The following HIRA variants were observed in gnomAD, a reference collection of about 807,000 sequenced individuals.
The protein encoded by HIRA is histone cell cycle regulator.
In HIRA, 13 loss-of-function variants were observed where a neutral mutation model predicts 126.6. That is an observed-to-expected ratio of 0.10 (90% CI 0.07 to 0.16). The LOEUF is 0.16. Among genes scored for constraint, HIRA ranks in the 10% least tolerant of loss-of-function variants. HIRA has a pLI of 1.00. For missense variants in HIRA, 834 were observed against 1,314.4 expected (o/e 0.63, Z 5.65); for synonymous variants, 511 against 520.0 (o/e 0.98, Z 0.24).
At chr22:19,405,612 G>A (rs1013688985) in intron 5 of HIRA, 174 bp downstream of exon 5, 8 of 673,574 alleles carry the variant, frequency 1.2e-5, no homozygotes, top group South Asian at 6.7e-5. Flanking sequence ...TAGTGGACCC[G>A]GTGACTGCAC....
chr22:19,407,045 T>C, intron 4 of HIRA, 139 bp downstream of exon 4: 1 of 668,174 alleles, frequency 1.5e-6, no homozygotes, highest in Non-Finnish European at 2.6e-6. Flanking sequence ...CACCTGCTCC[T>C]GACCTACATG....
At position 19,385,754 on chromosome 22, in the gene HIRA, G is replaced by A. The variant is rs1424417995; in HGVS notation, c.1114-18C>T. 6 of 1,606,420 alleles carry A rather than the reference G, an allele frequency of 3.7e-6. No homozygotes were observed. In the Admixed American group the frequency reaches 1.0e-4, roughly 27 times the overall value. ...ATGCGGCTCTGGGGAAGCAAGGAGA[G>A]GCATGACATGCCAGCATGAGTGCCA... On this transcript the variant is annotated intron_variant, in intron 11 of 24. Transcript: ENST00000263208.
At position 19,331,622 on chromosome 22, in the gene HIRA, C is replaced by T. The variant is rs1490174173; in HGVS notation, c.2938-66G>A. 6 of 1,453,404 alleles carry T rather than the reference C, an allele frequency of 4.1e-6. No homozygotes were observed. In the East Asian group the frequency reaches 1.4e-4, roughly 33 times the overall value. 90.0% of individuals were successfully genotyped at this position (1,453,404 alleles called of 1,614,324 possible). On this transcript the variant is annotated intron_variant, in intron 24 of 24. Transcript: ENST00000263208. The stretch of plus-strand genomic sequence containing the variant: ...AGAGACCTAGATTGTGGGGACTTTC[C>T]TGGCCTGGCAGAGAACCTTGTGTCT...
rs1556012703 is a variant in HIRA at position 19,356,887 on chromosome 22, C to T, written c.2396+3G>A. 4 of 1,613,636 alleles carry T rather than the reference C, an allele frequency of 2.5e-6. No homozygotes were observed. On this transcript the variant is annotated splice_donor_region_variant and intron_variant, in intron 19 of 24. Transcript: ENST00000263208. ...CCCACCCCACCCTGTGCCTGCCTCT[C>T]ACCAGACAGAGAGTGTGGCTGCAGC...
chr22:19,392,149 C>A lies in HIRA; in HGVS notation c.888G>T (p.Pro296=). 1 of 1,608,388 alleles carries A rather than the reference C, an allele frequency of 6.2e-7. No homozygotes were observed. The highest frequency in any genetic ancestry group is 1.1e-5 in the South Asian group (1 of 90,776). The change falls in exon 9 of 25, where the codon CCG becomes CCT. Residue 296 remains proline, a synonymous_variant. Transcript: ENST00000263208. ...KNGSSAKPSC[P]YCCCAVGSKD... ...TGCTGCCAACAGCACAGCAGCAGTACGGGCAGCTAGGCTTCGCAGAACTCC... is the reference window on the plus strand; with the variant it reads ...TGCTGCCAACAGCACAGCAGCAGTAAGGGCAGCTAGGCTTCGCAGAACTCC...
At chr22:19,333,240 C>T (rs1033940768) in intron 24 of HIRA, among the ~76,000 whole-genome samples, 34 of 151,818 alleles carry the variant, frequency 2.2e-4, no homozygotes, top group African/African-American at 4.8e-5. Flanking sequence ...AATGGACAAA[C>T]GTCTGGCAGG....
At chr22:19,372,175 T>C (rs1012427172) in intron 15 of HIRA, among the ~76,000 whole-genome samples, 5 of 152,226 alleles carry the variant, frequency 3.3e-5, no homozygotes, top group African/African-American at 1.2e-4. Flanking sequence ...TTCATGTCCT[T>C]CAAGACTTAA....
intron 8 of HIRA, among the ~76,000 whole-genome samples, chr22:19,393,281 A>G (rs1219009351): frequency 4.6e-5 from 7 of 152,228 alleles, no homozygotes; most frequent in African/African-American, 1.7e-4. Context: ...GAACTCCAAA[A>G]CAAAAAAATT....
intron 21 of HIRA, 44 bp from the exon 22 acceptor site, chr22:19,354,162 AT>A: frequency 1.3e-6 from 2 of 1,592,954 alleles, no homozygotes; most frequent in Non-Finnish European, 1.7e-6. Flanking sequence ...AAACCAAGAG[AT>A]CTGGTTGGCC....
intron 9 of HIRA, among the ~76,000 whole-genome samples, 175 bp from the exon 10 acceptor site, chr22:19,388,729 C>T (rs1245113842): frequency 2.0e-5 from 3 of 152,224 alleles, no homozygotes; most frequent in Non-Finnish European, 4.4e-5. Flanking sequence ...GAACCAAAGC[C>T]TGCCAAAAAT....
intron 23 of HIRA, among the ~76,000 whole-genome samples, chr22:19,352,151 A>AGAATGGAGGGTGGGTAACTGGTGTAT (rs1448183237): frequency 2.6e-5 from 4 of 152,120 alleles, no homozygotes; most frequent in African/African-American, 9.6e-5. Context: ...AACAAGGGAC[A>AGAATGGAGGGTGGGTAACTGGTGTAT]GAATGGAGGG....
chr22:19,342,133 T>C (rs915804704), intron 24 of HIRA, among the ~76,000 whole-genome samples: 54 of 151,790 alleles, frequency 3.6e-4, no homozygotes, highest in African/African-American at 1.3e-3. Flanking sequence ...CATTAAAAAG[T>C]GGACAAAGAA....
chr22:19,414,831 G>A (rs1017563240), intron 1 of HIRA, among the ~76,000 whole-genome samples: 3 of 152,208 alleles, frequency 2.0e-5, no homozygotes. Context: ...AGACCAGCCT[G>A]ACCAACAGGC....
chr22:19,346,968 G>A (rs2088693833), intron 24 of HIRA, among the ~76,000 whole-genome samples: 1 of 152,224 alleles, frequency 6.6e-6, no homozygotes, highest in Non-Finnish European at 1.5e-5. Context: ...ATGGTAGCCT[G>A]TTTGTGGCTC....
chr22:19,384,240 C>A (rs2089103134), intron 12 of HIRA, among the ~76,000 whole-genome samples: 1 of 150,068 alleles, frequency 6.7e-6, no homozygotes, highest in South Asian at 2.1e-4. Context: ...AGGAGAATCG[C>A]CTGAACCAGG....
At chr22:19,403,410 C>A (rs924842656) in intron 5 of HIRA, among the ~76,000 whole-genome samples, 7 of 152,126 alleles carry the variant, frequency 4.6e-5, no homozygotes, top group Admixed American at 4.6e-4. Flanking sequence ...GAGATCAAGA[C>A]CATCCTGGCT....
At chr22:19,422,331 C>A (rs563426344) in intron 1 of HIRA, among the ~76,000 whole-genome samples, 1 of 152,044 alleles carries the variant, frequency 6.6e-6, no homozygotes, top group East Asian at 1.9e-4. Flanking sequence ...ACAGCCATCA[C>A]CATCCTGATC....
chr22:19,366,540 CTT>C (rs1249097331), intron 15 of HIRA, among the ~76,000 whole-genome samples: 5 of 152,016 alleles, frequency 3.3e-5, no homozygotes, highest in Middle Eastern at 3.2e-3. Flanking sequence ...TCATGAATGA[CTT>C]TGAGGGGTTC....
At chr22:19,337,833 C>T (rs2088583095) in intron 24 of HIRA, among the ~76,000 whole-genome samples, 1 of 151,984 alleles carries the variant, frequency 6.6e-6, no homozygotes, top group Non-Finnish European at 1.5e-5. Flanking sequence ...GCTTTGTCAT[C>T]CAGGCTGGAG....
Sources: allele counts gnomAD v4.1 joint callset (sites outside exome capture counted in the v4.1 genomes callset), GRCh38; gene constraint gnomAD v4.1.1; transcripts MANE v1.5; gene names NCBI Gene and HGNC (gene_info 2026-07-23, HGNC 2026-07-21).